Variants in SNX29 observed in about 807,000 individuals in gnomAD.
SNX29 encodes sorting nexin-29.
Under a neutral mutation model 102.1 loss-of-function variants are expected in SNX29, and 78 were observed. The ratio of observed to expected loss-of-function variants is 0.76; its 90% CI spans 0.64 to 0.92. The LOEUF (loss-of-function observed/expected upper bound fraction) is 0.92. Ranked by LOEUF, SNX29 falls within the 40% of genes least tolerant of loss-of-function variation. SNX29 has a pLI of 0.00. For synonymous variants in SNX29, 580 were observed against 414.5 expected, an observed-to-expected ratio of 1.40 and a Z score of -4.85; for missense variants, 1,280 against 1,061.7, an observed-to-expected ratio of 1.21 and a Z score of -2.86.
At chr16:12,499,615 A>G (rs908331058) in intron 19 of SNX29, among the ~76,000 whole-genome samples, 2 of 152,212 alleles carry the variant, frequency 1.3e-5, no homozygotes, top group Admixed American at 1.3e-4. Flanking sequence ...GGATCAGACC[A>G]CACCCCAGAC....
At chr16:12,318,371 C>T (rs553885439) in intron 15 of SNX29, among the ~76,000 whole-genome samples, 26 of 152,290 alleles carry the variant, frequency 1.7e-4, no homozygotes, top group Non-Finnish European at 2.6e-4. Flanking sequence ...GCTGATGCAT[C>T]GTTTGCCGGA....
intron 18 of SNX29, among the ~76,000 whole-genome samples, chr16:12,467,882 G>T (rs1295130542): frequency 1.3e-5 from 2 of 152,208 alleles, no homozygotes; most frequent in East Asian, 1.9e-4. Flanking sequence ...ACCTCACGGA[G>T]TGAGGGGATA....
At chr16:12,198,185 A>G (rs192249272) in intron 13 of SNX29, among the ~76,000 whole-genome samples, 38 of 152,302 alleles carry the variant, frequency 2.5e-4, no homozygotes, top group Admixed American at 7.2e-4. Flanking sequence ...CCTGAAAGGT[A>G]TATACTAGGT....
Position 12,568,731 on chromosome 16 carries a change from C to CAT in SNX29, c.*102_*103insAT, listed in dbSNP as rs1555466158. ...ACCTCAGCGTGACAACCACGTCCAC[C>CAT]TGGTGATCCTGAGAGCACACGATTC... On this transcript the variant is annotated 3_prime_UTR_variant, in exon 21 of 21. Coordinates refer to ENST00000566228, the MANE Select transcript of SNX29 (RefSeq NM_032167.5). 2.7e-6 allele frequency: 4 copies of CAT among 1,477,834 alleles called. No homozygotes were observed. In the African/African-American group the frequency reaches 4.2e-5, roughly 16 times the overall value. 91.5% of individuals were successfully genotyped at this position (1,477,834 alleles called of 1,614,324 possible).
intron 16 of SNX29, chr16:12,372,754 A>G (rs1161642126): frequency 6.6e-6 from 1 of 152,206 alleles, no homozygotes; most frequent in Non-Finnish European, 1.5e-5. Flanking sequence ...GATCAGGAAG[A>G]TGGGCCTGTT....
At chr16:12,269,951 C>T (rs2079042944) in intron 14 of SNX29, among the ~76,000 whole-genome samples, 1 of 152,018 alleles carries the variant, frequency 6.6e-6, no homozygotes. Context: ...GTTTCCATCT[C>T]CCAGGTTCAA....
intron 19 of SNX29, among the ~76,000 whole-genome samples, chr16:12,495,787 C>A (rs1285726150): frequency 6.6e-6 from 1 of 152,302 alleles, no homozygotes; most frequent in East Asian, 1.9e-4. Context: ...GGCGTGGTGG[C>A]TCACGCCTGT....
chr16:12,044,291 C>G (rs1416231504), intron 5 of SNX29, among the ~76,000 whole-genome samples: 2 of 152,202 alleles, frequency 1.3e-5, no homozygotes, highest in Non-Finnish European at 2.9e-5. Context: ...CAGGTCTCCT[C>G]TTCTGCTTTA....
chr16:12,347,664 T>G (rs1204099717), intron 15 of SNX29, among the ~76,000 whole-genome samples: 1 of 152,192 alleles, frequency 6.6e-6, no homozygotes. Flanking sequence ...GTGCTCATTC[T>G]GTTACATCCT....
intron 1 of SNX29, among the ~76,000 whole-genome samples, chr16:11,987,205 C>CCTCCCCAGG (rs2055664530): frequency 6.6e-6 from 1 of 151,902 alleles, no homozygotes; most frequent in African/African-American, 2.4e-5. Context: ...GCTGGGACTA[C>CCTCCCCAGG]AGGTGTGTGC....
At chr16:12,056,341 C>T (rs2151240701) in intron 8 of SNX29, among the ~76,000 whole-genome samples, 1 of 152,298 alleles carries the variant, frequency 6.6e-6, no homozygotes, top group East Asian at 1.9e-4. Context: ...TTGGCCTGGG[C>T]CCTCTGAAGC....
intron 3 of SNX29, among the ~76,000 whole-genome samples, chr16:12,025,274 C>T (rs898948912): frequency 1.6e-5 from 2 of 125,102 alleles, no homozygotes; most frequent in Non-Finnish European, 3.2e-5. Flanking sequence ...TGCACTCCAG[C>T]CTGGGCAACA....
At chr16:12,378,185 C>T (rs551874182) in intron 16 of SNX29, among the ~76,000 whole-genome samples, 19 of 152,270 alleles carry the variant, frequency 1.2e-4, no homozygotes, top group Admixed American at 3.9e-4. Context: ...ATTTGGCTCA[C>T]GATTCTGATG....
chr16:12,302,637 C>G (rs1275626886), intron 15 of SNX29, among the ~76,000 whole-genome samples: 1 of 152,184 alleles, frequency 6.6e-6, no homozygotes, highest in African/African-American at 2.4e-5. Flanking sequence ...TAAGCGCCTC[C>G]CAAAGGCCCT....
At chr16:12,003,443 G>A (rs989412960) in intron 3 of SNX29, among the ~76,000 whole-genome samples, 4 of 152,134 alleles carry the variant, frequency 2.6e-5, no homozygotes, top group Admixed American at 2.0e-4. Flanking sequence ...TAAAAATGAT[G>A]TTTATGTAGA....
At chr16:12,347,893 C>T (rs965464581) in intron 15 of SNX29, among the ~76,000 whole-genome samples, 4 of 141,466 alleles carry the variant, frequency 2.8e-5, no homozygotes, top group Non-Finnish European at 6.0e-5. Flanking sequence ...GCCTGAGAAA[C>T]GTAGCCATAT....
In SNX29 at chr16:12,572,993, A is replaced by G. The variant is rs1055675323; in HGVS notation, c.*4364A>G. 5 of 357,796 alleles carry G rather than the reference A, an allele frequency of 1.4e-5. No homozygotes were observed. The highest frequency in any genetic ancestry group is 6.3e-5 in the African/African-American group (3 of 47,472). 22.2% of individuals were successfully genotyped at this position (357,796 alleles called of 1,614,324 possible). A position where few individuals can be genotyped will look rare whatever the true frequency, so the allele number is the denominator to read the frequency against. ...TCAAAATATTGTGCATTAATTCATT[A>G]AAGCTACTGTTAAATATTTGCTGTT... is the stretch of plus-strand genomic sequence containing the variant. On this transcript the variant is annotated 3_prime_UTR_variant, in exon 21 of 21. Coordinates refer to ENST00000566228, the MANE Select transcript of SNX29 (RefSeq NM_032167.5).
At chr16:12,002,265 T>C (rs948908052) in intron 2 of SNX29, among the ~76,000 whole-genome samples, 2 of 151,646 alleles carry the variant, frequency 1.3e-5, no homozygotes, top group Non-Finnish European at 2.9e-5. Context: ...CTGACCAACA[T>C]AGAGAAACCC....
rs151191749 is a variant in SNX29 at position 12,098,548 on chromosome 16, T to C, written c.1402+19633T>C. 3.5e-3 allele frequency among the ~76,000 whole-genome samples: 536 copies of C among 152,334 alleles called. 5 individuals carry two copies. Among genetic ancestry groups the C allele is most frequent in the African/African-American group, 0.012 (487 of 41,578 alleles). On this transcript the variant is annotated intron_variant, in intron 11 of 20. Coordinates refer to ENST00000566228, the MANE Select transcript of SNX29 (RefSeq NM_032167.5). The surrounding 1 kb of genome is among the most constrained non-coding windows in gnomAD (Gnocchi z 6.0). ...GTGTCTGTACACACCGTCGGTTTCA[T>C]GTGCGCAGACGATTCAGTTTCATGC...
Sources: allele counts gnomAD v4.1 joint callset (sites outside exome capture counted in the v4.1 genomes callset), GRCh38; gene constraint gnomAD v4.1.1; non-coding constraint Gnocchi (gnomAD v3.1); transcripts MANE v1.5; gene names NCBI Gene and HGNC (gene_info 2026-07-23, HGNC 2026-07-21).